The following CPA6 variants were observed in gnomAD, a reference collection of about 807,000 sequenced individuals.
CPA6 encodes carboxypeptidase B.
Under a neutral mutation model 63.3 loss-of-function variants are expected in CPA6, and 58 were observed. That is an observed-to-expected ratio of 0.92 (90% confidence interval 0.74 to 1.14). The LOEUF is 1.14. Ranked by LOEUF, CPA6 falls within the 50% of genes most tolerant of loss-of-function variation. CPA6 has a pLI of 0.00. For synonymous variants in CPA6, 185 were observed against 179.0 expected, an observed-to-expected ratio of 1.03 and a Z score of -0.27; for missense variants, 565 against 526.6, an observed-to-expected ratio of 1.07 and a Z score of -0.71.
intron 1 of CPA6, among the ~76,000 whole-genome samples, chr8:67,720,562 G>A (rs1817476872): frequency 6.6e-6 from 1 of 152,198 alleles, no homozygotes; most frequent in African/African-American, 2.4e-5. Context: ...AGAAACGGGC[G>A]GGAGGGGATG....
intron 1 of CPA6, among the ~76,000 whole-genome samples, chr8:67,693,645 C>T (rs1816856768): frequency 6.6e-6 from 1 of 152,258 alleles, no homozygotes; most frequent in Admixed American, 6.5e-5. Flanking sequence ...TCCCTCACTT[C>T]TGCCATGTGA....
chr8:67,463,435 C>T (rs1810856812), intron 8 of CPA6, among the ~76,000 whole-genome samples: 1 of 149,878 alleles, frequency 6.7e-6, no homozygotes, highest in Admixed American at 6.6e-5. Flanking sequence ...CAGACTGAAA[C>T]TCACTCTCTC....
chr8:67,457,046 C>A (rs1313554099), intron 8 of CPA6, among the ~76,000 whole-genome samples: 1 of 152,184 alleles, frequency 6.6e-6, no homozygotes, highest in Non-Finnish European at 1.5e-5. Context: ...TTCAGCCTGG[C>A]AAAACCCACT....
At position 67,537,478 on chromosome 8, in the gene CPA6, C is replaced by T. The variant is rs574038211; in HGVS notation, c.193-19431G>A. Reference sequence around the variant, plus strand: ...TCTTGTAGATTTTCTAGCTTATTTGCGTAGAGGTGTTTATAGTATTCTCTG... The same window carrying T: ...TCTTGTAGATTTTCTAGCTTATTTGTGTAGAGGTGTTTATAGTATTCTCTG... On this transcript the variant is annotated intron_variant, in intron 2 of 10. Transcript: ENST00000297770. Among the ~76,000 whole-genome samples, 14 of 152,222 alleles carry T rather than the reference C, an allele frequency of 9.2e-5. No homozygotes were observed. The South Asian group carries it at 1.9e-3, about 20-fold the overall frequency.
chr8:67,494,632 AATT>A (rs1474288024), intron 6 of CPA6, among the ~76,000 whole-genome samples: 10 of 152,184 alleles, frequency 6.6e-5, no homozygotes, highest in Non-Finnish European at 7.3e-5. Context: ...GGCAACAAAG[AATT>A]AAAGTGGCCT....
chr8:67,505,937 TAG>T (rs1218410581), intron 6 of CPA6, among the ~76,000 whole-genome samples: 2 of 152,120 alleles, frequency 1.3e-5, no homozygotes, highest in Admixed American at 6.6e-5. Context: ...AACAAATTTG[TAG>T]AGTTATTTTG....
rs1281587973 is a variant in CPA6 at position 67,484,769 on chromosome 8, A to T, written c.657T>A (p.Ser219Arg). Reference sequence around the variant, plus strand: ...TCAACATTTTTCTCATGGCTGGGTCACTCTTATATGTTAGAAGAGCCTAAA... The same window carrying T: ...TCAACATTTTTCTCATGGCTGGGTCTCTCTTATATGTTAGAAGAGCCTAAA... ...FVKEALLTYK[S>R]DPAMRKMLNH... Residue 219 changes from serine (S) to arginine (R), a missense_variant, in exon 7 of 11, where the codon AGT becomes AGA. Ser to Arg is a moderately radical substitution (Grantham distance 110). Coordinates refer to ENST00000297770, the MANE Select transcript of CPA6 (RefSeq NM_020361.5). 1.2e-6 allele frequency: 2 copies of T among 1,603,190 alleles called. No homozygotes were observed. The highest frequency in any genetic ancestry group is 3.3e-5 in the Admixed American group (2 of 59,746).
chr8:67,494,792 C>T (rs557618548), intron 6 of CPA6, among the ~76,000 whole-genome samples: 2 of 152,198 alleles, frequency 1.3e-5, no homozygotes, highest in Admixed American at 6.5e-5. Context: ...TTGCTTGTCT[C>T]TTCTTATCAG....
chr8:67,511,940 C>T (rs142276704), intron 3 of CPA6, among the ~76,000 whole-genome samples: 76 of 152,314 alleles, frequency 5.0e-4, no homozygotes, highest in African/African-American at 1.5e-3. Context: ...ATGATGACTA[C>T]GAGCACTTAG....
chr8:67,659,533 G>A (rs554321531), intron 1 of CPA6, among the ~76,000 whole-genome samples: 1 of 152,172 alleles, frequency 6.6e-6, no homozygotes, highest in Non-Finnish European at 1.5e-5. Flanking sequence ...CTCCTCTGAT[G>A]CACACCAATA....
chr8:67,726,587 C>T (rs1195816459), intron 1 of CPA6, among the ~76,000 whole-genome samples: 1 of 152,138 alleles, frequency 6.6e-6, no homozygotes. Flanking sequence ...AATTCTCCCT[C>T]CAGTCATTTC....
rs1564021261 is a variant in CPA6 at position 67,607,180 on chromosome 8, CTTCTTCTTCTTCTTCTTCTTCTTCT to C, written c.192+16971_192+16995del. Among the ~76,000 whole-genome samples, 68 of 19,112 alleles carry C rather than the reference CTTCTTCTTCTTCTTCTTCTTCTTCT, an allele frequency of 3.6e-3. 6 individuals carry two copies. Among genetic ancestry groups the C allele is most frequent in the Admixed American group, 0.028 (43 of 1,522 alleles). The allele number at this position is 19,112 out of a possible 152,430, so 12.5% of individuals were successfully genotyped here. On this transcript the variant is annotated intron_variant, in intron 2 of 10. Transcript: ENST00000297770. ...TCTTCTTCTTCTTCCTCTTCTTCTT[CTTCTTCTTCTTCTTCTTCTTCTTCT>C]TCTTCTTCTTCTTCTTCTTCTTCTT...
intron 2 of CPA6, among the ~76,000 whole-genome samples, chr8:67,526,691 T>C (rs1812370906): frequency 6.6e-6 from 1 of 152,078 alleles, no homozygotes; most frequent in African/African-American, 2.4e-5. Context: ...TTAGAGGCTA[T>C]GAGAGGAAGA....
intron 2 of CPA6, among the ~76,000 whole-genome samples, chr8:67,533,774 T>C (rs1812526347): frequency 6.6e-6 from 1 of 152,234 alleles, no homozygotes; most frequent in African/African-American, 2.4e-5. Flanking sequence ...CTGGGATTTT[T>C]CCCAGGGAAC....
intron 1 of CPA6, among the ~76,000 whole-genome samples, chr8:67,649,102 T>C (rs995505605): frequency 9.9e-5 from 15 of 152,118 alleles, no homozygotes; most frequent in African/African-American, 3.1e-4. Flanking sequence ...GTGCAAGGCA[T>C]TGGATTTTTT....
intron 2 of CPA6, among the ~76,000 whole-genome samples, chr8:67,548,337 C>T (rs942555793): frequency 1.3e-5 from 2 of 151,056 alleles, no homozygotes; most frequent in Non-Finnish European, 2.9e-5. Flanking sequence ...CTGCAGCCTT[C>T]AACTCCTGGG....
intron 1 of CPA6, among the ~76,000 whole-genome samples, chr8:67,654,421 G>T (rs1036322952): frequency 1.2e-4 from 19 of 152,208 alleles, no homozygotes; most frequent in South Asian, 1.2e-3. Context: ...CAATTTCAGA[G>T]CCTGTTATTG....
chr8:67,445,070 G>A (rs1810381610), intron 8 of CPA6, among the ~76,000 whole-genome samples: 1 of 152,182 alleles, frequency 6.6e-6, no homozygotes, highest in African/African-American at 2.4e-5. Context: ...AGGGTCAAAA[G>A]CCAGATGTTA....
intron 8 of CPA6, among the ~76,000 whole-genome samples, chr8:67,475,390 C>T (rs1811150303): frequency 6.6e-6 from 1 of 152,200 alleles, no homozygotes; most frequent in South Asian, 2.1e-4. Context: ...AATTGTGGCA[C>T]ATACTGTGAT....
Sources: allele counts gnomAD v4.1 joint callset (sites outside exome capture counted in the v4.1 genomes callset), GRCh38; gene constraint gnomAD v4.1.1; transcripts MANE v1.5; gene names NCBI Gene and HGNC (gene_info 2026-07-23, HGNC 2026-07-21).